The following DNAH14 variants were observed in gnomAD, a reference collection of about 807,000 sequenced individuals.
DNAH14 encodes axonemal beta dynein heavy chain 14.
DNAH14 carries 478 observed loss-of-function variants against 520.9 expected under a neutral mutation model. The observed-to-expected ratio is 0.92, with a 90% CI of 0.85 to 0.99. The LOEUF is 0.99. Among genes scored for constraint, DNAH14 ranks in the 50% least tolerant of loss-of-function variants. The probability of loss-of-function intolerance (pLI) is 0.00; values close to 1 mark genes in which losing one functional copy is unlikely to be tolerated. For missense variants in DNAH14, 4,831 were observed against 5,234.5 expected (o/e 0.92, Z 2.38); for synonymous variants, 1,581 against 1,757.2 (o/e 0.90, Z 2.51).
chr1:225,173,665 C>A (rs1451889459), intron 36 of DNAH14, among the ~76,000 whole-genome samples: 1 of 152,200 alleles, frequency 6.6e-6, no homozygotes, highest in Non-Finnish European at 1.5e-5. Flanking sequence ...GTTGGTGGGA[C>A]TGTAAACTAG....
At chr1:225,248,734 A>T (rs927872266) in intron 43 of DNAH14, among the ~76,000 whole-genome samples, 5 of 152,188 alleles carry the variant, frequency 3.3e-5, no homozygotes, top group African/African-American at 1.2e-4. Context: ...TTGAGGAAGG[A>T]TCTGCAATGA....
chr1:225,389,666 C>T, intron 82 of DNAH14, 68 bp from the exon 83 acceptor site: 1 of 1,492,560 alleles, frequency 6.7e-7, no homozygotes, highest in Non-Finnish European at 9.0e-7. Flanking sequence ...GAGGAAATGG[C>T]CCACATCACC....
intron 27 of DNAH14, among the ~76,000 whole-genome samples, chr1:225,129,736 A>C (rs2078173351): frequency 6.6e-6 from 1 of 152,048 alleles, no homozygotes; most frequent in African/African-American, 2.4e-5. Context: ...CCTAGGCATT[A>C]CCATTCAGGA....
At chr1:225,019,169 GAGAC>G (rs1389434163) in intron 10 of DNAH14, among the ~76,000 whole-genome samples, 6 of 152,188 alleles carry the variant, frequency 3.9e-5, no homozygotes, top group Middle Eastern at 3.4e-3. Flanking sequence ...CTGTCTCTAA[GAGAC>G]CCATCTCACA....
chr1:224,958,903 CA>C (rs1303416308), intron 3 of DNAH14, among the ~76,000 whole-genome samples: 9 of 151,902 alleles, frequency 5.9e-5, no homozygotes, highest in Admixed American at 1.3e-4. Flanking sequence ...ATAGTGGAAT[CA>C]AAAAGCATGA....
At chr1:225,076,645 T>A (rs1382300322) in intron 17 of DNAH14, among the ~76,000 whole-genome samples, 1 of 152,156 alleles carries the variant, frequency 6.6e-6, no homozygotes, top group Non-Finnish European at 1.5e-5. Context: ...TAAGTTTTGG[T>A]TCCAGAAGGT....
intron 17 of DNAH14, among the ~76,000 whole-genome samples, chr1:225,066,108 A>G (rs191495936): frequency 1.0e-3 from 158 of 152,180 alleles, no homozygotes; most frequent in Admixed American, 1.7e-3. Flanking sequence ...CCTAGTGATT[A>G]GTGATATTGA....
intron 20 of DNAH14, 107 bp downstream of exon 20, chr1:225,082,846 AAG>A (rs1226221436): frequency 2.2e-6 from 2 of 913,196 alleles, no homozygotes; most frequent in African/African-American, 3.4e-5. Context: ...GGAAGTTTAT[AAG>A]AGTGCCTGGG....
chr1:225,356,224 A>C (rs1212218340), intron 73 of DNAH14, among the ~76,000 whole-genome samples: 2 of 152,148 alleles, frequency 1.3e-5, no homozygotes, highest in African/African-American at 4.8e-5. Flanking sequence ...CCAAGATTTG[A>C]AAATTGAGAG....
At chr1:225,397,017 T>C (rs987229867) in intron 84 of DNAH14, 3 of 152,196 alleles carry the variant, frequency 2.0e-5, no homozygotes, top group Non-Finnish European at 2.9e-5. Context: ...AATTCTTTTT[T>C]TTTTTTTTGA....
chr1:225,191,652 C>A (rs1383166326), intron 37 of DNAH14, among the ~76,000 whole-genome samples: 1 of 151,810 alleles, frequency 6.6e-6, no homozygotes, highest in East Asian at 1.9e-4. Context: ...CTTTTTCTCT[C>A]TTTTCTTCTT....
chr1:225,051,002 C>G (rs1291163790), intron 16 of DNAH14, among the ~76,000 whole-genome samples: 1 of 152,160 alleles, frequency 6.6e-6, no homozygotes, highest in African/African-American at 2.4e-5. Flanking sequence ...TCTGATCTTG[C>G]AGGAGTGGAG....
At chr1:225,022,402 CA>C (rs1315056104) in intron 10 of DNAH14, among the ~76,000 whole-genome samples, 1 of 151,862 alleles carries the variant, frequency 6.6e-6, no homozygotes, top group South Asian at 2.1e-4. Flanking sequence ...AACACCCCAA[CA>C]AACAAAAAAC....
At chr1:225,367,542 A>G (rs1244979673) in intron 76 of DNAH14, among the ~76,000 whole-genome samples, 1 of 152,244 alleles carries the variant, frequency 6.6e-6, no homozygotes, top group Non-Finnish European at 1.5e-5. Context: ...CTATGCTCTG[A>G]GCAAATAAGA....
chr1:225,073,189 C>G (rs117005749), intron 17 of DNAH14, among the ~76,000 whole-genome samples: 14 of 152,158 alleles, frequency 9.2e-5, no homozygotes, highest in Non-Finnish European at 1.5e-4. Flanking sequence ...GTTGGGGACA[C>G]GCTTAAAAAA....
intron 17 of DNAH14, among the ~76,000 whole-genome samples, chr1:225,064,615 C>G (rs2070618762): frequency 6.6e-6 from 1 of 151,628 alleles, no homozygotes; most frequent in East Asian, 1.9e-4. Flanking sequence ...CATGCAACAA[C>G]TTGGATGAAT....
At chr1:225,373,430 A>G (rs1007468630) in intron 77 of DNAH14, among the ~76,000 whole-genome samples, 3 of 149,066 alleles carry the variant, frequency 2.0e-5, no homozygotes, top group Non-Finnish European at 4.4e-5. Context: ...GCGCCACTGC[A>G]CTCCAGCTGG....
chr1:225,238,806 C>T (rs913699257), intron 42 of DNAH14, among the ~76,000 whole-genome samples: 13 of 152,082 alleles, frequency 8.5e-5, no homozygotes, highest in Non-Finnish European at 1.8e-4. Flanking sequence ...GTCCAAATAA[C>T]CCTGGGGGGA....
Position 225,117,754 on chromosome 1 carries a change from T to C in DNAH14, c.3938T>C (p.Ile1313Thr). 2 of 1,551,038 alleles carry C rather than the reference T, an allele frequency of 1.3e-6. No homozygotes were observed. The highest frequency in any genetic ancestry group is 1.7e-6 in the Non-Finnish European group (2 of 1,146,836). Reference sequence around the variant, plus strand: ...CTTAGCAATGCCGAGCTTCTTGATATTCTAGCTGATAGCAGAAATCCTGAG... The same window carrying C: ...CTTAGCAATGCCGAGCTTCTTGATACTCTAGCTGATAGCAGAAATCCTGAG... ...YFLSNAELLD[I>T]LADSRNPESV... is the part of the protein sequence containing the mutation. The change falls in exon 24 of 86, where the codon ATT becomes ACT. Residue 1313 changes from isoleucine (I) to threonine (T), a missense_variant. Ile to Thr is a moderately conservative substitution (Grantham distance 89). Coordinates refer to ENST00000682510, the MANE Select transcript of DNAH14 (RefSeq NM_001367479.1).
Sources: allele counts gnomAD v4.1 joint callset (sites outside exome capture counted in the v4.1 genomes callset), GRCh38; gene constraint gnomAD v4.1.1; transcripts MANE v1.5; gene names NCBI Gene and HGNC (gene_info 2026-07-23, HGNC 2026-07-21).